SEMA3A: variants seen among roughly 807,000 people sequenced by gnomAD.
SEMA3A encodes the protein semaphorin-3A.
A neutral mutation model predicts 97.9 loss-of-function variants in SEMA3A; 29 were observed. The observed-to-expected ratio is 0.30, with a 90% CI of 0.22 to 0.40. The LOEUF is 0.40. SEMA3A is among the 10% of genes least tolerant of loss of function. The probability of loss-of-function intolerance (pLI) is 1.00; values close to 1 mark genes in which losing one functional copy is unlikely to be tolerated. For missense variants in SEMA3A, 763 were observed against 951.3 expected (o/e 0.80, Z 2.60); for synonymous variants, 321 against 323.7 (o/e 0.99, Z 0.09).
intron 1 of SEMA3A, among the ~76,000 whole-genome samples, chr7:84,397,003 G>T (rs990057132): frequency 1.3e-5 from 2 of 151,820 alleles, no homozygotes; most frequent in Admixed American, 1.3e-4. Flanking sequence ...TTTTTGTTCT[G>T]TACCAATCAG....
intron 1 of SEMA3A, among the ~76,000 whole-genome samples, chr7:84,472,685 AG>A (rs1386239147): frequency 6.6e-6 from 1 of 152,206 alleles, no homozygotes; most frequent in African/African-American, 2.4e-5. Context: ...ATCATATTAG[AG>A]GAACTCAATC....
At chr7:83,993,659 C>A (rs1662380260) in intron 12 of SEMA3A, among the ~76,000 whole-genome samples, 1 of 125,834 alleles carries the variant, frequency 7.9e-6, no homozygotes, top group African/African-American at 3.3e-5. Context: ...TCTCTTCTGG[C>A]TTGTAGGGTT....
Position 84,080,732 on chromosome 7 carries a change from C to T in SEMA3A, c.454-20174G>A, listed in dbSNP as rs1308503423. Among the ~76,000 whole-genome samples the T allele has an allele frequency of 4.3e-4, 8 of 18,538 alleles. 4 individuals are homozygous for T. Among genetic ancestry groups the T allele is most frequent in the African/African-American group, 2.4e-3 (8 of 3,304 alleles). 12.2% of individuals were successfully genotyped at this position (18,538 alleles called of 152,430 possible). A position where few individuals can be genotyped will look rare whatever the true frequency, so the allele number is the denominator to read the frequency against. On this transcript the variant is annotated intron_variant, in intron 4 of 16. Transcript: ENST00000265362. ...GACTACAGGCGCCCGCCACTACGCC[C>T]GGCTAATTTTTTTGTATTTTTAGTA...
chr7:84,262,942 G>A (rs1395464483), intron 3 of SEMA3A, among the ~76,000 whole-genome samples: 1 of 152,138 alleles, frequency 6.6e-6, no homozygotes, highest in African/African-American at 2.4e-5. Context: ...GATGACCCAT[G>A]GAAGAGGAAA....
rs142278757 is a variant in SEMA3A, at chr7:84,121,016, A to G, written c.333+8107T>C. On this transcript the variant is annotated intron_variant, in intron 3 of 16. Coordinates refer to ENST00000265362, the MANE Select transcript of SEMA3A (RefSeq NM_006080.3). ...CTGGATGAAAAAACCTAAATATTTT[A>G]TAATAGGTATAGCATGCTGACCTTT... Among the ~76,000 whole-genome samples the G allele has an allele frequency of 5.1e-3, 779 of 152,278 alleles. 4 individuals are homozygous for G. Among genetic ancestry groups the G allele is most frequent in the African/African-American group, 0.017 (706 of 41,550 alleles).
intron 14 of SEMA3A, among the ~76,000 whole-genome samples, chr7:83,978,718 CCAA>C (rs1398619814): frequency 6.6e-6 from 1 of 152,096 alleles, no homozygotes; most frequent in African/African-American, 2.4e-5. Flanking sequence ...CAAAATTGAG[CCAA>C]CAAGAGAACT....
chr7:83,981,372 T>G lies in SEMA3A; in HGVS notation c.1601A>C (p.Tyr534Ser). 6.2e-7 allele frequency: 1 copy of G among 1,613,986 alleles called. No individual in the cohort carries two copies. Residue 534 changes from tyrosine to serine, a missense_variant, in exon 14 of 17, where the codon TAC becomes TCC. Around this residue, in one of 2 missense-constraint regions of SEMA3A, gnomAD observed 678 missense variants for 881.3 expected, o/e 0.77. Transcript: ENST00000265362. Reference protein sequence around the residue: ...CAECCLARDPYCAWDGSACSR... With the variant: ...CAECCLARDPSCAWDGSACSR... ...ACATGCAGAACCATCCCAAGCACAG[T>G]AAGGGTCTCGGGCGAGGCAACACTC...
At chr7:84,128,974 A>G in intron 3 of SEMA3A, 149 bp downstream of exon 3, 1 of 624,724 alleles carries the variant, frequency 1.6e-6, no homozygotes, top group South Asian at 2.0e-5. Flanking sequence ...ATTGGGTTCT[A>G]TCCTAAAGAT....
intron 4 of SEMA3A, among the ~76,000 whole-genome samples, chr7:84,064,047 C>G (rs1314253514): frequency 6.6e-6 from 1 of 152,096 alleles, no homozygotes. Context: ...CAAAGGGAAG[C>G]CCATCAGACT....
At chr7:84,063,528 T>C (rs1359762071) in intron 4 of SEMA3A, among the ~76,000 whole-genome samples, 1 of 149,530 alleles carries the variant, frequency 6.7e-6, no homozygotes, top group African/African-American at 2.5e-5. Context: ...TGAAAAAAAT[T>C]TAGAAGAATG....
At chr7:84,236,008 T>C (rs1156343819) in intron 3 of SEMA3A, among the ~76,000 whole-genome samples, 4 of 152,130 alleles carry the variant, frequency 2.6e-5, no homozygotes, top group African/African-American at 9.7e-5. Flanking sequence ...TCTCAAATCA[T>C]TATCAAAACA....
intron 15 of SEMA3A, among the ~76,000 whole-genome samples, chr7:83,964,683 T>C (rs1159004561): frequency 6.6e-6 from 1 of 152,132 alleles, no homozygotes; most frequent in East Asian, 1.9e-4. Flanking sequence ...ACTCTTCCAA[T>C]ATTGGGAATT....
At chr7:84,109,050 T>C (rs1795204841) in intron 4 of SEMA3A, among the ~76,000 whole-genome samples, 1 of 152,030 alleles carries the variant, frequency 6.6e-6, no homozygotes, top group Admixed American at 6.6e-5. Context: ...TCTAGAGCTA[T>C]CTTCAGAATA....
At chr7:84,252,784 CG>C (rs1385829619) in intron 3 of SEMA3A, among the ~76,000 whole-genome samples, 1 of 152,030 alleles carries the variant, frequency 6.6e-6, no homozygotes, top group Admixed American at 6.6e-5. Flanking sequence ...TTTTAAAATG[CG>C]AAGTGTAATT....
chr7:84,186,666 A>G (rs943221325), intron 1 of SEMA3A, among the ~76,000 whole-genome samples: 5 of 152,156 alleles, frequency 3.3e-5, no homozygotes, highest in South Asian at 2.1e-4. Flanking sequence ...CTTAATAACT[A>G]TGATTTGTAC....
intron 3 of SEMA3A, among the ~76,000 whole-genome samples, chr7:84,249,562 A>G (rs778621500): frequency 6.6e-6 from 1 of 152,054 alleles, no homozygotes; most frequent in Non-Finnish European, 1.5e-5. Flanking sequence ...TAAATAATAT[A>G]TCAACTATTG....
intron 1 of SEMA3A, among the ~76,000 whole-genome samples, chr7:84,144,100 T>C (rs1483503150): frequency 1.3e-5 from 2 of 151,796 alleles, no homozygotes; most frequent in Non-Finnish European, 2.9e-5. Context: ...CCACAGGGTG[T>C]TTCTGATGGG....
At chr7:84,127,087 T>C (rs1054063002) in intron 3 of SEMA3A, among the ~76,000 whole-genome samples, 6 of 152,092 alleles carry the variant, frequency 3.9e-5, no homozygotes, top group African/African-American at 1.4e-4. Flanking sequence ...TAAAGGGACT[T>C]TCAGTTGACA....
intron 4 of SEMA3A, among the ~76,000 whole-genome samples, chr7:84,098,734 A>G (rs1794854927): frequency 6.6e-6 from 1 of 152,126 alleles, no homozygotes; most frequent in African/African-American, 2.4e-5. Flanking sequence ...TAAGCACATC[A>G]TATAGCATAA....
Sources: allele counts gnomAD v4.1 joint callset (sites outside exome capture counted in the v4.1 genomes callset), GRCh38; gene constraint gnomAD v4.1.1; regional missense constraint gnomAD v4.1.1; transcripts MANE v1.5; gene names NCBI Gene and HGNC (gene_info 2026-07-23, HGNC 2026-07-21).